The following CBLC variants were observed in gnomAD, a reference collection of about 807,000 sequenced individuals.
The protein encoded by CBLC is Cbl proto-oncogene C, also known as E3 ubiquitin-protein ligase CBL-C.
A neutral mutation model predicts 58.6 loss-of-function variants in CBLC; 46 were observed. The ratio of observed to expected loss-of-function variants is 0.79; its 90% CI spans 0.62 to 1.00. CBLC has a LOEUF of 1.00. Among genes scored for constraint, CBLC ranks in the 50% least tolerant of loss-of-function variants. The pLI is 0.00. For synonymous variants in CBLC, 271 were observed against 264.2 expected, an observed-to-expected ratio of 1.03 and a Z score of -0.25; for missense variants, 655 against 625.8, an observed-to-expected ratio of 1.05 and a Z score of -0.50.
In CBLC at chr19:44,798,437, C is replaced by T. The variant is rs755241269; in HGVS notation, c.1363-1944C>T. Among the ~76,000 whole-genome samples, 10 of 152,064 alleles carry T rather than the reference C, an allele frequency of 6.6e-5. 1 individual carries two copies. Among genetic ancestry groups the T allele is most frequent in the South Asian group, 4.2e-4 (2 of 4,814 alleles). The stretch of plus-strand genomic sequence containing the variant: ...AGAAATCTCCACTGGCAGCCAAGCG[C>T]GGTGGCTCACACGTGTAATCTCAGC... On this transcript the variant is annotated intron_variant, in intron 9 of 10. Transcript: ENST00000647358.
At chr19:44,786,020 G>A (rs1010565865) in intron 5 of CBLC, among the ~76,000 whole-genome samples, 2 of 151,852 alleles carry the variant, frequency 1.3e-5, no homozygotes, top group African/African-American at 2.4e-5. Flanking sequence ...GGCTGGTCTC[G>A]AACTCCTGAA....
Position 44,777,944 on chromosome 19 carries a change from G to A in CBLC, c.13G>A (p.Val5Met), listed in dbSNP as rs780884827. MALA[V>M]APWGRQWEEA... ...ACGCGAGGCTCCCATGGCTCTGGCG[G>A]TGGCCCCGTGGGGGCGACAGTGGGA... The change falls in exon 1 of 11, where the codon GTG (valine) becomes ATG (methionine). Residue 5 changes from valine (V) to methionine (M), a missense_variant. Around this residue, in one of 3 missense-constraint regions of CBLC, gnomAD observed 280 missense variants for 237.2 expected, o/e 1.18. Coordinates refer to ENST00000647358, the MANE Select transcript of CBLC (RefSeq NM_012116.4). 2.9e-5 allele frequency: 46 copies of A among 1,594,702 alleles called. No homozygotes were observed. In the South Asian group the frequency reaches 5.1e-4, roughly 18 times the overall value.
chr19:44,794,530 T>A (rs1038755071), intron 9 of CBLC, among the ~76,000 whole-genome samples: 1 of 141,490 alleles, frequency 7.1e-6, no homozygotes, highest in African/African-American at 2.7e-5. Context: ...AGTGGCGCAA[T>A]CTTGGCTCAC....
At chr19:44,798,987 T>G (rs1968233349) in intron 9 of CBLC, among the ~76,000 whole-genome samples, 2 of 152,176 alleles carry the variant, frequency 1.3e-5, no homozygotes, top group Non-Finnish European at 2.9e-5. Flanking sequence ...AGCTGGGTCA[T>G]TCCCATCTCC....
intron 5 of CBLC, among the ~76,000 whole-genome samples, chr19:44,787,003 T>G (rs1204738899): frequency 6.6e-6 from 1 of 152,064 alleles, no homozygotes; most frequent in Non-Finnish European, 1.5e-5. Context: ...GAGAATTGCT[T>G]GAACCCGGGA....
Position 44,780,805 on chromosome 19 carries a change from G to C in CBLC, c.354-100G>C, listed in dbSNP as rs371947989. On this transcript the variant is annotated intron_variant, in intron 1 of 10. Transcript: ENST00000647358. ...ACTCTTACCTTACACTGTTGAGATAGAGTCCAGAGCCTTATCCCTGCAGGT... is the reference window on the plus strand; with the variant it reads ...ACTCTTACCTTACACTGTTGAGATACAGTCCAGAGCCTTATCCCTGCAGGT... The C allele has an allele frequency of 3.2e-5, 40 of 1,237,096 alleles. No homozygotes were observed. In the African/African-American group the frequency reaches 5.3e-4, roughly 17 times the overall value. The allele number at this position is 1,237,096 out of a possible 1,614,324, so 76.6% of individuals were successfully genotyped here.
chr19:44,778,443 AGCCCCC>A, intron 1 of CBLC, among the ~76,000 whole-genome samples, 159 bp downstream of exon 1: 2 of 37,978 alleles, frequency 5.3e-5, no homozygotes, highest in African/African-American at 5.5e-4. Flanking sequence ...TCAGGGCTCC[AGCCCCC>A]AGCCCCTCCT....
chr19:44,790,821 T>A (rs1968027646), intron 6 of CBLC, among the ~76,000 whole-genome samples: 1 of 152,124 alleles, frequency 6.6e-6, no homozygotes, highest in African/African-American at 2.4e-5. Flanking sequence ...TACATGAAAT[T>A]CAAATTTGGA....
chr19:44,784,479 G>A, intron 5 of CBLC, 78 bp downstream of exon 5: 1 of 1,405,286 alleles, frequency 7.1e-7, no homozygotes, highest in Non-Finnish European at 9.6e-7. Flanking sequence ...CACTGCCGGT[G>A]GCCACCACGT....
chr19:44,796,311 G>A (rs1599874582), intron 9 of CBLC, among the ~76,000 whole-genome samples: 1 of 152,324 alleles, frequency 6.6e-6, no homozygotes, highest in African/African-American at 2.4e-5. Flanking sequence ...CACACAGCCT[G>A]AAAGAGGAGA....
At chr19:44,793,281 G>T (rs145031198) in intron 7 of CBLC, among the ~76,000 whole-genome samples, 193 bp from the exon 8 acceptor site, 1 of 152,090 alleles carries the variant, frequency 6.6e-6, no homozygotes, top group East Asian at 1.9e-4. Context: ...CTCTGGTTCC[G>T]TTCCTCTCTC....
chr19:44,785,815 G>A (rs1967889334), intron 5 of CBLC, among the ~76,000 whole-genome samples: 1 of 151,816 alleles, frequency 6.6e-6, no homozygotes, highest in South Asian at 2.1e-4. Context: ...GCGTGCACCT[G>A]TAATCCCAAC....
intron 9 of CBLC, among the ~76,000 whole-genome samples, chr19:44,796,751 G>T (rs1322186259): frequency 6.6e-6 from 1 of 152,024 alleles, no homozygotes; most frequent in East Asian, 1.9e-4. Context: ...CAGGATTTTT[G>T]GGACCCTGGA....
chr19:44,794,354 A>C, intron 9 of CBLC, 73 bp downstream of exon 9: 2 of 1,432,402 alleles, frequency 1.4e-6, no homozygotes, highest in Non-Finnish European at 1.9e-6. Context: ...TCACCTGTGC[A>C]CTCAGGGGTG....
intron 9 of CBLC, among the ~76,000 whole-genome samples, chr19:44,795,079 T>A (rs1167295946): frequency 6.6e-6 from 1 of 151,802 alleles, no homozygotes; most frequent in Non-Finnish European, 1.5e-5. Flanking sequence ...TGCTTCAGCC[T>A]CCTAAGTAGC....
Position 44,787,471 on chromosome 19 carries a change from G to A in CBLC, c.918-2533G>A, listed in dbSNP as rs114463933. Among the ~76,000 whole-genome samples the A allele has an allele frequency of 8.4e-3, 1,277 of 151,918 alleles. 15 individuals carry two copies. Among genetic ancestry groups the A allele is most frequent in the African/African-American group, 0.03 (1,232 of 41,456 alleles). On this transcript the variant is annotated intron_variant, in intron 5 of 10. Coordinates refer to ENST00000647358, the MANE Select transcript of CBLC (RefSeq NM_012116.4). ...TGGGTGTTTATGCACAGAGGAGGAC[G>A]CTGCATTTAAAATTTTTTTCTAATT...
At chr19:44,788,469 T>C (rs988363751) in intron 5 of CBLC, among the ~76,000 whole-genome samples, 1 of 150,548 alleles carries the variant, frequency 6.6e-6, no homozygotes, top group African/African-American at 2.4e-5. Context: ...TTTATTTATT[T>C]TTAAAATTTC....
intron 9 of CBLC, among the ~76,000 whole-genome samples, chr19:44,799,936 T>A (rs1275254774): frequency 1.3e-5 from 2 of 152,064 alleles, no homozygotes; most frequent in Non-Finnish European, 2.9e-5. Flanking sequence ...TTGGGAACTG[T>A]CTGTGGGGCA....
At chr19:44,784,968 T>TG (rs1568558723) in intron 5 of CBLC, among the ~76,000 whole-genome samples, 5 of 114,082 alleles carry the variant, frequency 4.4e-5, no homozygotes, top group Admixed American at 9.0e-5. Flanking sequence ...TTTTTTTTTT[T>TG]TTTTTTTTTT....
Sources: allele counts gnomAD v4.1 joint callset (sites outside exome capture counted in the v4.1 genomes callset), GRCh38; gene constraint gnomAD v4.1.1; regional missense constraint gnomAD v4.1.1; transcripts MANE v1.5; gene names NCBI Gene and HGNC (gene_info 2026-07-23, HGNC 2026-07-21).